DPP10: variants seen among roughly 807,000 people sequenced by gnomAD.
DPP10 encodes dipeptidyl peptidase like 10, also known as inactive dipeptidyl peptidase 10.
A neutral mutation model predicts 120.9 loss-of-function variants in DPP10; 33 were observed. The ratio of observed to expected loss-of-function variants is 0.27; its 90% CI spans 0.21 to 0.37. The LOEUF is 0.37. DPP10 is among the 10% of genes least tolerant of loss of function. The pLI, the probability that DPP10 is intolerant of heterozygous loss-of-function variation, is 1.00. For missense variants in DPP10, 816 were observed against 942.8 expected, an observed-to-expected ratio of 0.87 and a Z score of 1.76; for synonymous variants, 337 against 326.1, an observed-to-expected ratio of 1.03 and a Z score of -0.36.
intron 2 of DPP10, among the ~76,000 whole-genome samples, chr2:115,343,364 T>C (rs1394440376): frequency 1.3e-5 from 2 of 152,206 alleles, no homozygotes. Context: ...GTAAACTTCT[T>C]TCTGACTTGA....
intron 1 of DPP10, among the ~76,000 whole-genome samples, chr2:115,185,056 T>C (rs1543147): frequency 0.2 from 30,163 of 152,078 alleles, 3,374 homozygotes; most frequent in East Asian, 0.4. Flanking sequence ...TGCTGTGTTA[T>C]AAAATTAGTT....
chr2:114,444,324 G>A (rs1677821556), intron 1 of DPP10, among the ~76,000 whole-genome samples: 1 of 152,154 alleles, frequency 6.6e-6, no homozygotes, highest in Non-Finnish European at 1.5e-5. Context: ...GGATATATAA[G>A]CTCTAGTGGG....
At chr2:115,092,047 T>A (rs1709308500) in intron 1 of DPP10, among the ~76,000 whole-genome samples, 1 of 152,200 alleles carries the variant, frequency 6.6e-6, no homozygotes, top group Non-Finnish European at 1.5e-5. Context: ...TGCATTTTAA[T>A]CTTTTCACCA....
intron 1 of DPP10, among the ~76,000 whole-genome samples, chr2:114,627,066 A>G (rs1694566816): frequency 6.6e-6 from 1 of 152,046 alleles, no homozygotes; most frequent in South Asian, 2.1e-4. Flanking sequence ...ACGAAGCTCC[A>G]TAAAAGTAAT....
At chr2:115,363,998 AG>A (rs2064938808) in intron 3 of DPP10, among the ~76,000 whole-genome samples, 1 of 7,508 alleles carries the variant, frequency 1.3e-4, no homozygotes, top group East Asian at 2.4e-3. Flanking sequence ...GCAAAGGTGG[AG>A]GTAGATGCTT....
chr2:114,772,023 T>G lies in DPP10; in HGVS notation c.60+329185T>G, dbSNP rs542065787. Among the ~76,000 whole-genome samples the G allele has an allele frequency of 1.1e-3, 166 of 152,180 alleles. No individual in the cohort carries two copies. The Middle Eastern group carries it at 0.014, about 12-fold the overall frequency. ...CTAAATAATTTCTCCTGAGATAATCTTTTTCCACAGTTATTTTATTATAAT... is the reference window on the plus strand; with the variant it reads ...CTAAATAATTTCTCCTGAGATAATCGTTTTCCACAGTTATTTTATTATAAT... On this transcript the variant is annotated intron_variant, in intron 1 of 25. Transcript: ENST00000410059.
chr2:114,956,298 C>T (rs1036552582), intron 1 of DPP10, among the ~76,000 whole-genome samples: 6 of 151,226 alleles, frequency 4.0e-5, no homozygotes, highest in African/African-American at 1.5e-4. Flanking sequence ...ATACTAACAA[C>T]AAACTACCTG....
At chr2:114,984,117 C>A (rs902118842) in intron 1 of DPP10, among the ~76,000 whole-genome samples, 6 of 152,104 alleles carry the variant, frequency 3.9e-5, no homozygotes, top group Non-Finnish European at 7.4e-5. Flanking sequence ...GACTTTCTGG[C>A]CCTGTACTTA....
intron 4 of DPP10, among the ~76,000 whole-genome samples, chr2:115,508,913 A>C (rs1176730719): frequency 2.0e-5 from 3 of 152,148 alleles, no homozygotes; most frequent in Non-Finnish European, 2.9e-5. Flanking sequence ...AAGTAAATAA[A>C]TAAATAAGAA....
At chr2:114,624,685 A>G (rs1349481365) in intron 1 of DPP10, among the ~76,000 whole-genome samples, 1 of 152,014 alleles carries the variant, frequency 6.6e-6, no homozygotes, top group Non-Finnish European at 1.5e-5. Context: ...TAAAAGTGTC[A>G]GACAATATGA....
Position 114,628,897 on chromosome 2 carries a change from GTCT to G in DPP10, c.60+186064_60+186066del, listed in dbSNP as rs1190451982. On this transcript the variant is annotated intron_variant, in intron 1 of 25. Coordinates refer to ENST00000410059, the MANE Select transcript of DPP10 (RefSeq NM_020868.6). ...CAAGACGAACAGTGGAGAGGTGGAG[GTCT>G]TCTTATTTCTTTGTCTTTGTGGCAA... Among the ~76,000 whole-genome samples the G allele has an allele frequency of 2.0e-5, 3 of 152,210 alleles. No individual in the cohort carries two copies. The East Asian group carries it at 5.8e-4, about 29-fold the overall frequency.
chr2:114,721,008 A>G (rs1235540432), intron 1 of DPP10, among the ~76,000 whole-genome samples: 1 of 152,120 alleles, frequency 6.6e-6, no homozygotes, highest in Non-Finnish European at 1.5e-5. Context: ...TGCATTAACA[A>G]GAAACACTTT....
intron 1 of DPP10, among the ~76,000 whole-genome samples, chr2:114,646,401 G>A (rs992566022): frequency 5.9e-5 from 9 of 151,954 alleles, no homozygotes; most frequent in Non-Finnish European, 1.2e-4. Context: ...ATATATAAAC[G>A]ACAAGGGCAC....
At chr2:115,747,470 T>C (rs1306401130) in intron 10 of DPP10, among the ~76,000 whole-genome samples, 1 of 152,212 alleles carries the variant, frequency 6.6e-6, no homozygotes, top group East Asian at 1.9e-4. Context: ...CTCTGGTTTG[T>C]TTAATGCTAT....
intron 1 of DPP10, among the ~76,000 whole-genome samples, chr2:114,547,815 T>C (rs1401972679): frequency 1.3e-5 from 2 of 152,192 alleles, no homozygotes; most frequent in Non-Finnish European, 2.9e-5. Context: ...AACCTGTCAC[T>C]GTGGAAGAGT....
rs570742882 is a variant in DPP10, at chr2:115,174,171, T to C, written c.61-135068T>C. ...CATGGTTTGTGTAAAGTCTAGGTTT[T>C]CTGCAGTATCTCATTTTCCTGATGA... On this transcript the variant is annotated intron_variant, in intron 1 of 25. Transcript: ENST00000410059. Among the ~76,000 whole-genome samples the C allele has an allele frequency of 2.0e-5, 3 of 152,302 alleles. No homozygotes were observed. The East Asian group carries it at 5.8e-4, about 29-fold the overall frequency.
At chr2:114,451,911 G>T (rs960412111) in intron 1 of DPP10, among the ~76,000 whole-genome samples, 6 of 152,094 alleles carry the variant, frequency 3.9e-5, no homozygotes, top group Non-Finnish European at 5.9e-5. Flanking sequence ...AGCCAGACAG[G>T]TTTTACAGAA....
At chr2:115,370,438 A>G (rs943023769) in intron 3 of DPP10, among the ~76,000 whole-genome samples, 2 of 152,106 alleles carry the variant, frequency 1.3e-5, no homozygotes, top group East Asian at 3.9e-4. Context: ...AGAAGTAGAA[A>G]ATAAGTAAAG....
chr2:115,634,570 G>T (rs1408745113), intron 5 of DPP10, among the ~76,000 whole-genome samples: 5 of 152,160 alleles, frequency 3.3e-5, no homozygotes, highest in African/African-American at 7.2e-5. Context: ...GAACAGTAAA[G>T]ATGGCTGCCT....
Sources: gnomAD v4.1 joint callset for allele counts (sites outside exome capture counted in the v4.1 genomes callset) on GRCh38, gnomAD v4.1.1 for gene constraint, MANE v1.5 for transcripts, NCBI Gene and HGNC (gene_info 2026-07-23, HGNC 2026-07-21) for gene names.